The following THBS2 variants were observed in gnomAD, a reference collection of about 807,000 sequenced individuals.
The protein encoded by THBS2 is thrombospondin-2.
A neutral mutation model predicts 135.2 loss-of-function variants in THBS2; 47 were observed. The ratio of observed to expected loss-of-function variants is 0.35; its 90% CI spans 0.28 to 0.44. The LOEUF (loss-of-function observed/expected upper bound fraction) is 0.44, where lower values mean the gene tolerates loss of function less well. Ranked by LOEUF, THBS2 falls within the 20% of genes least tolerant of loss-of-function variation. The probability of loss-of-function intolerance (pLI) is 1.00; values close to 1 mark genes in which losing one functional copy is unlikely to be tolerated. For synonymous variants in THBS2, 639 were observed against 633.8 expected (o/e 1.01, Z -0.12); for missense variants, 1,288 against 1,603.1 (o/e 0.80, Z 3.36).
chr6:169,249,897 G>C (rs1304076715), intron 2 of THBS2, among the ~76,000 whole-genome samples: 1 of 152,142 alleles, frequency 6.6e-6, no homozygotes, highest in African/African-American at 2.4e-5. Flanking sequence ...AGGCATGGTT[G>C]TGGGCGCTTG....
At chr6:169,218,116 ATGGGGTGGG>A in intron 21 of THBS2, among the ~76,000 whole-genome samples, 1 of 58,618 alleles carries the variant, frequency 1.7e-5, no homozygotes, top group Non-Finnish European at 3.1e-5. Flanking sequence ...GGGTGGATGG[ATGGGGTGGG>A]TGGGTGGATG....
At chr6:169,249,174 T>C (rs1780673224) in intron 2 of THBS2, among the ~76,000 whole-genome samples, 1 of 152,206 alleles carries the variant, frequency 6.6e-6, no homozygotes, top group Non-Finnish European at 1.5e-5. Flanking sequence ...GTGCCGCTAC[T>C]CAGAGTGTGG....
chr6:169,229,959 A>G (rs776547375), intron 13 of THBS2, among the ~76,000 whole-genome samples: 2 of 152,190 alleles, frequency 1.3e-5, no homozygotes, highest in African/African-American at 4.8e-5. Flanking sequence ...CAACTGCAGA[A>G]ACAAGAAGAG....
In THBS2 at chr6:169,240,549, GGA is replaced by G; in HGVS notation, c.933_934del (p.Pro312Ter). The G allele has an allele frequency of 6.2e-7, 1 of 1,613,898 alleles. No homozygotes were observed. Among genetic ancestry groups the G allele is most frequent in the Non-Finnish European group, 8.5e-7 (1 of 1,180,004 alleles). ...GCAAGCTGACATGTTCCTTGTCTTAGGAGGGCCACCAATGAGCTCCCAGAGAA... is the reference window on the plus strand; with the variant it reads ...GCAAGCTGACATGTTCCTTGTCTTAGGGGCCACCAATGAGCTCCCAGAGAA... On this transcript the variant is annotated frameshift_variant, in exon 6 of 22. Coordinates refer to ENST00000617924, the MANE Select transcript of THBS2 (RefSeq NM_003247.5). LOFTEE classifies it high-confidence loss of function.
At position 169,241,082 on chromosome 6, in the gene THBS2, C is replaced by T. The variant is rs1232745727; in HGVS notation, c.892-490G>A. 6.6e-6 allele frequency among the ~76,000 whole-genome samples: 1 copy of T among 151,878 alleles called. No individual in the cohort carries two copies. The highest frequency in any genetic ancestry group is 2.1e-4 in the South Asian group (1 of 4,810). ...TGCCCCGGACTCCTGCCCCTGCCGC[C>T]CTCCCTGCCCTGGGCTCCATCTCCT... is the stretch of plus-strand genomic sequence containing the variant. On this transcript the variant is annotated intron_variant, in intron 5 of 21. Coordinates refer to ENST00000617924, the MANE Select transcript of THBS2 (RefSeq NM_003247.5). This position sits in a 1 kb window ranked among gnomAD's most constrained non-coding sequence, Gnocchi z 5.5.
chr6:169,224,991 CAT>C (rs1315864802), intron 17 of THBS2, among the ~76,000 whole-genome samples, 152 bp downstream of exon 17: 1 of 152,204 alleles, frequency 6.6e-6, no homozygotes. Flanking sequence ...AGAAGAAACT[CAT>C]ATTGCATGGA....
At chr6:169,222,118 G>T in intron 19 of THBS2, 79 bp downstream of exon 19, 1 of 1,476,732 alleles carries the variant, frequency 6.8e-7, no homozygotes, top group South Asian at 1.3e-5. Context: ...GGGGTCTCTG[G>T]ACTGGGCTAG....
In THBS2 at chr6:169,232,949, A is replaced by G. The variant is rs1470848038; in HGVS notation, c.1720T>C (p.Cys574Arg). ...CSSFPDGSWS[C>R]GSCPVGFLGN... ...AAGAAGCCCACAGGGCAGGAGCCGC[A>G]TGACCAGGACCCATCGGGGAAGCTG... The change falls in exon 11 of 22, where the codon TGC becomes CGC. Residue 574 changes from cysteine (C) to arginine (R), a missense_variant. Around this residue, in one of 2 missense-constraint regions of THBS2, gnomAD observed 874 missense variants for 1,156.1 expected, o/e 0.76. Transcript: ENST00000617924. 6.4e-7 allele frequency: 1 copy of G among 1,567,810 alleles called. No individual in the cohort carries two copies. Among genetic ancestry groups the G allele is most frequent in the Non-Finnish European group, 8.6e-7 (1 of 1,157,306 alleles).
Position 169,225,165 on chromosome 6 carries a change from G to T in THBS2, c.2753C>A (p.Pro918Gln). 6.2e-7 allele frequency: 1 copy of T among 1,614,214 alleles called. No individual in the cohort carries two copies. Among genetic ancestry groups the T allele is most frequent in the East Asian group, 2.2e-5 (1 of 44,886 alleles). The change falls in exon 17 of 22, where the codon CCA (proline) becomes CAA (glutamine). Residue 918 changes from proline to glutamine, a missense_variant. By Grantham distance (76) the Pro-to-Gln change is moderately conservative. Transcript: ENST00000617924. ...DRDNCRLVFN[P>Q]DQEDLDGDGR... ...CCCACCGTCCAAGTCCTCCTGGTCT[G>T]GGTTGAACACAAGCCGGCAGTTGTC...
At chr6:169,243,316 C>T (rs750431983) in intron 4 of THBS2, among the ~76,000 whole-genome samples, 6 of 152,180 alleles carry the variant, frequency 3.9e-5, no homozygotes, top group African/African-American at 9.7e-5. Context: ...GGGACGGAGG[C>T]GGGGTCCAGT....
chr6:169,241,981 C>T lies in THBS2; in HGVS notation c.695-23G>A, dbSNP rs753480580. ...CAGCTGAGGGCAAGCGTAGAAGGGC[C>T]GTGAGCATCACAGAGGACGGGGCCA... On this transcript the variant is annotated intron_variant, in intron 4 of 21. Transcript: ENST00000617924. The surrounding 1 kb of genome is among the most constrained non-coding windows in gnomAD (Gnocchi z 5.5). 5.0e-6 allele frequency: 8 copies of T among 1,592,032 alleles called. No homozygotes were observed. The highest frequency in any genetic ancestry group is 2.3e-5 in the East Asian group (1 of 44,428).
intron 12 of THBS2, among the ~76,000 whole-genome samples, 176 bp from the exon 13 acceptor site, chr6:169,232,374 C>G (rs1417240892): frequency 6.6e-6 from 1 of 152,186 alleles, no homozygotes; most frequent in African/African-American, 2.4e-5. Flanking sequence ...CCTGAGGCTC[C>G]GTTTGTGACT....
chr6:169,237,381 C>G, intron 8 of THBS2, 35 bp from the exon 9 acceptor site: 6 of 1,611,120 alleles, frequency 3.7e-6, no homozygotes, highest in Non-Finnish European at 5.1e-6. Context: ...CAGGCTGTGC[C>G]GCCTAGAGGG....
chr6:169,231,045 G>A lies in THBS2; in HGVS notation c.2151+935C>T, dbSNP rs139842401. 6.9e-4 allele frequency among the ~76,000 whole-genome samples: 105 copies of A among 152,246 alleles called. 1 individual carries two copies. Among genetic ancestry groups the A allele is most frequent in the Non-Finnish European group, 1.1e-3 (77 of 68,014 alleles). Reference sequence around the variant, plus strand: ...TAAAACATTTTGGGGCACCCTGTGCGGTGGACTGAGTGGCAGTCCCCACGA... The same window carrying A: ...TAAAACATTTTGGGGCACCCTGTGCAGTGGACTGAGTGGCAGTCCCCACGA... On this transcript the variant is annotated intron_variant, in intron 13 of 21. Coordinates refer to ENST00000617924, the MANE Select transcript of THBS2 (RefSeq NM_003247.5).
At chr6:169,251,993 T>C (rs1305818830) in intron 1 of THBS2, 1 of 152,128 alleles carries the variant, frequency 6.6e-6, no homozygotes, top group African/African-American at 2.4e-5. Flanking sequence ...CTTACTTAAC[T>C]TCTCTGTCTC....
intron 14 of THBS2, among the ~76,000 whole-genome samples, chr6:169,229,115 G>A (rs1372943984): frequency 2.0e-5 from 3 of 152,206 alleles, no homozygotes; most frequent in Non-Finnish European, 4.4e-5. Flanking sequence ...AAAGTCAGAT[G>A]TAAAAAAGCA....
chr6:169,241,890 C>A lies in THBS2; in HGVS notation c.763G>T (p.Val255Leu). 5 of 1,612,178 alleles carry A rather than the reference C, an allele frequency of 3.1e-6. No individual in the cohort carries two copies. The South Asian group carries it at 5.5e-5, about 18-fold the overall frequency. The change falls in exon 5 of 22, where the codon GTG becomes TTG. Residue 255 changes from valine to leucine, a missense_variant. Around this residue, in one of 2 missense-constraint regions of THBS2, gnomAD observed 414 missense variants for 447.0 expected, o/e 0.93. Coordinates refer to ENST00000617924, the MANE Select transcript of THBS2 (RefSeq NM_003247.5). The surrounding 1 kb of genome is among the most constrained non-coding windows in gnomAD (Gnocchi z 5.5). ...GGCCTCCTCTCCGAGCTGGGGCCCA[C>A]GTACTCGGTGGTGACATGCGGACCC... ...RLGPHVTTEY[V>L]GPSSERRPEV... is the part of the protein sequence containing the mutation.
chr6:169,221,869 C>A (rs1257891680), intron 19 of THBS2, among the ~76,000 whole-genome samples: 1 of 152,178 alleles, frequency 6.6e-6, no homozygotes, highest in Non-Finnish European at 1.5e-5. Context: ...ATATTCAATT[C>A]TCCCTAGCTT....
At position 169,228,391 on chromosome 6, in the gene THBS2, TCAAA is replaced by T. The variant is rs777500877; in HGVS notation, c.2260-114_2260-111del. ...AGGTTGATGAAAATCAATATAGAAA[TCAAA>T]CAAACACAAAAGCCAGTTAGGGCTG... On this transcript the variant is annotated intron_variant, in intron 14 of 21. Coordinates refer to ENST00000617924, the MANE Select transcript of THBS2 (RefSeq NM_003247.5). 1,776 of 1,375,220 alleles carry T rather than the reference TCAAA, an allele frequency of 1.3e-3. 3 individuals carry two copies. The highest frequency in any genetic ancestry group is 1.7e-3 in the Non-Finnish European group (1,688 of 1,016,708). The allele number at this position is 1,375,220 out of a possible 1,614,324, so 85.2% of individuals were successfully genotyped here.
Sources: gnomAD v4.1 joint callset for allele counts (sites outside exome capture counted in the v4.1 genomes callset) on GRCh38, gnomAD v4.1.1 for gene constraint, gnomAD v4.1.1 regional missense constraint, Gnocchi (gnomAD v3.1) non-coding constraint, MANE v1.5 for transcripts, NCBI Gene and HGNC (gene_info 2026-07-23, HGNC 2026-07-21) for gene names.